RBMS3: variants seen among roughly 807,000 people sequenced by gnomAD.
The protein encoded by RBMS3 is RNA-binding motif, single-stranded-interacting protein 3.
RBMS3 carries 27 observed loss-of-function variants against 66.8 expected under a neutral mutation model. That is an observed-to-expected ratio of 0.40 (90% confidence interval 0.30 to 0.56). The LOEUF is 0.56. Ranked by LOEUF, RBMS3 falls within the 20% of genes least tolerant of loss-of-function variation. The pLI, the probability that RBMS3 is intolerant of heterozygous loss-of-function variation, is 0.40. For missense variants in RBMS3, 513 were observed against 549.5 expected (o/e 0.93, Z 0.66); for synonymous variants, 188 against 183.0 (o/e 1.03, Z -0.22).
intron 7 of RBMS3, among the ~76,000 whole-genome samples, chr3:29,869,561 A>G (rs148605774): frequency 3.1e-3 from 478 of 152,270 alleles, no homozygotes; most frequent in African/African-American, 0.011. Flanking sequence ...TGCTTTTCAC[A>G]AGGAGAAGGA....
At chr3:29,932,765 G>T (rs1235817956) in intron 10 of RBMS3, among the ~76,000 whole-genome samples, 3 of 152,124 alleles carry the variant, frequency 2.0e-5, no homozygotes, top group African/African-American at 4.8e-5. Flanking sequence ...ATTGGCAGAA[G>T]GTTAACAACA....
intron 12 of RBMS3, among the ~76,000 whole-genome samples, chr3:29,950,153 G>C (rs1316783971): frequency 6.6e-6 from 1 of 151,782 alleles, no homozygotes; most frequent in Non-Finnish European, 1.5e-5. Context: ...CACTACACAG[G>C]GTAAGCCTGG....
intron 1 of RBMS3, among the ~76,000 whole-genome samples, chr3:29,355,256 T>C (rs2037151826): frequency 6.6e-6 from 1 of 152,044 alleles, no homozygotes; most frequent in African/African-American, 2.4e-5. Context: ...TTTTCACTTT[T>C]AATTGAATTA....
At chr3:29,987,027 C>T (rs1698435371) in intron 12 of RBMS3, among the ~76,000 whole-genome samples, 1 of 152,108 alleles carries the variant, frequency 6.6e-6, no homozygotes, top group Admixed American at 6.5e-5. Flanking sequence ...AATCAGCATG[C>T]CTCTTAAATA....
At chr3:29,958,902 G>A (rs1696220489) in intron 12 of RBMS3, among the ~76,000 whole-genome samples, 1 of 152,120 alleles carries the variant, frequency 6.6e-6, no homozygotes, top group Non-Finnish European at 1.5e-5. Context: ...ATGCATTCTT[G>A]TTAAATAAAG....
chr3:29,600,966 T>C (rs2048123518), intron 4 of RBMS3, among the ~76,000 whole-genome samples: 1 of 152,002 alleles, frequency 6.6e-6, no homozygotes, highest in Admixed American at 6.6e-5. Context: ...GTTACCTAGC[T>C]GATTATTCAG....
chr3:29,942,687 CATT>C (rs1192793679), intron 11 of RBMS3, among the ~76,000 whole-genome samples: 3 of 151,694 alleles, frequency 2.0e-5, no homozygotes, highest in South Asian at 4.1e-4. Flanking sequence ...CTATTTTAAT[CATT>C]ATGCTTTTCT....
chr3:29,484,850 T>C (rs907340503), intron 2 of RBMS3, among the ~76,000 whole-genome samples: 1 of 152,148 alleles, frequency 6.6e-6, no homozygotes, highest in Non-Finnish European at 1.5e-5. Flanking sequence ...GTTTCATCCA[T>C]TAAATAAATG....
intron 1 of RBMS3, among the ~76,000 whole-genome samples, chr3:29,430,358 C>T (rs539089500): frequency 3.3e-5 from 5 of 151,868 alleles, no homozygotes; most frequent in East Asian, 3.9e-4. Flanking sequence ...CAAAGAAAAC[C>T]GCCTTTTTGT....
intron 1 of RBMS3, among the ~76,000 whole-genome samples, chr3:29,368,058 C>A (rs1329986711): frequency 6.6e-6 from 1 of 152,150 alleles, no homozygotes; most frequent in Non-Finnish European, 1.5e-5. Context: ...GTAACTAGCT[C>A]TTCACATCCT....
intron 5 of RBMS3, among the ~76,000 whole-genome samples, chr3:29,746,255 T>C (rs953704671): frequency 6.6e-6 from 1 of 152,242 alleles, no homozygotes; most frequent in Non-Finnish European, 1.5e-5. Context: ...GTATCTGTCT[T>C]GAATCCATCA....
intron 2 of RBMS3, among the ~76,000 whole-genome samples, chr3:29,440,373 T>A (rs1438337): frequency 0.3 from 46,163 of 152,024 alleles, 8,982 homozygotes; most frequent in African/African-American, 0.51. Flanking sequence ...AGGAACAGAG[T>A]GCATTGTTTT....
chr3:29,527,181 TAAAAAAAAAAA>T (rs538907247), intron 3 of RBMS3, among the ~76,000 whole-genome samples: 5 of 87,820 alleles, frequency 5.7e-5, no homozygotes, highest in South Asian at 4.4e-4. Flanking sequence ...TTAGGTAGAG[TAAAAAAAAAAA>T]AAAAAAAAAA....
chr3:29,575,595 A>G (rs1258535177), intron 3 of RBMS3, among the ~76,000 whole-genome samples: 1 of 152,114 alleles, frequency 6.6e-6, no homozygotes, highest in African/African-American at 2.4e-5. Context: ...CTTTCTACAC[A>G]TAACTCTTTC....
chr3:29,810,625 G>C (rs1167999632), intron 6 of RBMS3, among the ~76,000 whole-genome samples: 1 of 152,146 alleles, frequency 6.6e-6, no homozygotes, highest in African/African-American at 2.4e-5. Context: ...GCTAAAATAA[G>C]GATGCATTGA....
chr3:29,443,321 G>T (rs1183086713), intron 2 of RBMS3, among the ~76,000 whole-genome samples: 1 of 152,036 alleles, frequency 6.6e-6, no homozygotes, highest in Non-Finnish European at 1.5e-5. Context: ...CGTACTTATT[G>T]ATTGTCATCT....
intron 4 of RBMS3, among the ~76,000 whole-genome samples, chr3:29,652,047 C>T (rs1285700671): frequency 6.6e-6 from 1 of 152,122 alleles, no homozygotes; most frequent in Non-Finnish European, 1.5e-5. Flanking sequence ...TGGATAACTA[C>T]TGACCATAAA....
intron 4 of RBMS3, among the ~76,000 whole-genome samples, chr3:29,624,206 A>G (rs2048975209): frequency 6.6e-6 from 1 of 152,226 alleles, no homozygotes; most frequent in Non-Finnish European, 1.5e-5. Context: ...TGAGGGTTTT[A>G]AGAAAGCACT....
intron 4 of RBMS3, among the ~76,000 whole-genome samples, chr3:29,620,610 C>T (rs899564477): frequency 2.0e-5 from 3 of 151,982 alleles, no homozygotes; most frequent in Non-Finnish European, 4.4e-5. Flanking sequence ...ACTTGATTTT[C>T]ATATTGGCAT....
Sources: gnomAD v4.1 joint callset for allele counts (sites outside exome capture counted in the v4.1 genomes callset) on GRCh38, gnomAD v4.1.1 for gene constraint, MANE v1.5 for transcripts, NCBI Gene and HGNC (gene_info 2026-07-23, HGNC 2026-07-21) for gene names.